Variants in CADM2 observed in about 807,000 individuals in gnomAD.
The protein encoded by CADM2 is immunoglobulin superfamily member 4D.
Under a neutral mutation model 49.8 loss-of-function variants are expected in CADM2, and 12 were observed. That is an observed-to-expected ratio of 0.24 (90% CI 0.15 to 0.39). CADM2 has a LOEUF of 0.39. Ranked by LOEUF, CADM2 falls within the 10% of genes least tolerant of loss-of-function variation. The probability of loss-of-function intolerance (pLI) is 1.00; values close to 1 mark genes in which losing one functional copy is unlikely to be tolerated. For missense variants in CADM2, 378 were observed against 492.3 expected (o/e 0.77, Z 2.20); for synonymous variants, 214 against 175.4 (o/e 1.22, Z -1.74).
chr3:85,573,618 C>A (rs1376400124), intron 1 of CADM2, among the ~76,000 whole-genome samples: 1 of 152,172 alleles, frequency 6.6e-6, no homozygotes, highest in African/African-American at 2.4e-5. Context: ...TATGATCTTG[C>A]ATGAATATGT....
intron 1 of CADM2, among the ~76,000 whole-genome samples, chr3:85,126,877 T>A (rs1014852245): frequency 6.6e-6 from 1 of 152,166 alleles, no homozygotes; most frequent in African/African-American, 2.4e-5. Context: ...ATTTCTTTTT[T>A]CTAGGATAAA....
intron 1 of CADM2, among the ~76,000 whole-genome samples, chr3:85,499,381 G>A (rs1356959275): frequency 1.3e-5 from 2 of 152,014 alleles, no homozygotes; most frequent in African/African-American, 4.8e-5. Flanking sequence ...CTGCTCTAAA[G>A]TTCCCTTGGT....
At chr3:85,796,250 G>T (rs1179914894) in intron 2 of CADM2, among the ~76,000 whole-genome samples, 1 of 152,140 alleles carries the variant, frequency 6.6e-6, no homozygotes. Flanking sequence ...CAAGAAAAGT[G>T]TTTTGAAACC....
intron 8 of CADM2, among the ~76,000 whole-genome samples, chr3:85,970,292 C>T (rs528764792): frequency 6.6e-6 from 1 of 151,414 alleles, no homozygotes; most frequent in Non-Finnish European, 1.5e-5. Flanking sequence ...ACTTTGCTAA[C>T]TGAAATTCAA....
At chr3:85,066,173 A>G (rs375952750) in intron 1 of CADM2, among the ~76,000 whole-genome samples, 12 of 152,252 alleles carry the variant, frequency 7.9e-5, no homozygotes, top group East Asian at 5.8e-4. Context: ...TGCCTTCATC[A>G]TAATTTTGAA....
rs183399401 is a variant in CADM2 at position 85,908,901 on chromosome 3, T to C, written c.530-3472T>C. The stretch of plus-strand genomic sequence containing the variant: ...CACCAGGCCCAGCTAATTTTTTGTA[T>C]TTTTAGTAGAGATGGGGTTTCAGCA... On this transcript the variant is annotated intron_variant, in intron 5 of 9. Coordinates refer to ENST00000383699, the MANE Select transcript of CADM2 (RefSeq NM_001167675.2). 2.0e-5 allele frequency among the ~76,000 whole-genome samples: 3 copies of C among 152,138 alleles called. No individual in the cohort carries two copies. The East Asian group carries it at 5.8e-4, about 29-fold the overall frequency.
intron 8 of CADM2, among the ~76,000 whole-genome samples, chr3:86,041,506 G>T (rs946513909): frequency 6.6e-6 from 1 of 152,132 alleles, no homozygotes; most frequent in East Asian, 1.9e-4. Context: ...TAATGGTAAA[G>T]GGATCAATTC....
chr3:85,039,848 A>G (rs1418765866), intron 1 of CADM2, among the ~76,000 whole-genome samples: 1 of 152,228 alleles, frequency 6.6e-6, no homozygotes, highest in Admixed American at 6.5e-5. Flanking sequence ...CTGCGTAGCA[A>G]TAACAGTGAG....
chr3:85,645,174 A>T (rs546255713), intron 1 of CADM2, among the ~76,000 whole-genome samples: 2 of 152,220 alleles, frequency 1.3e-5, no homozygotes, highest in East Asian at 3.9e-4. Flanking sequence ...ATTTTGATTT[A>T]TGAAAAATAA....
chr3:85,290,065 C>G (rs942297502), intron 1 of CADM2, among the ~76,000 whole-genome samples: 3 of 151,976 alleles, frequency 2.0e-5, no homozygotes, highest in African/African-American at 7.2e-5. Flanking sequence ...AGACAGTGGG[C>G]GCAGGTCAGT....
At chr3:85,984,522 G>T (rs1727859864) in intron 8 of CADM2, among the ~76,000 whole-genome samples, 1 of 151,582 alleles carries the variant, frequency 6.6e-6, no homozygotes, top group African/African-American at 2.4e-5. Flanking sequence ...TTTTAAATAA[G>T]AATTTATAAC....
chr3:85,877,214 T>G (rs1472394731), intron 3 of CADM2, among the ~76,000 whole-genome samples: 1 of 152,152 alleles, frequency 6.6e-6, no homozygotes, highest in Non-Finnish European at 1.5e-5. Context: ...CTCTGTGATA[T>G]GTGAATAACA....
At chr3:85,171,523 C>T (rs992126695) in intron 1 of CADM2, among the ~76,000 whole-genome samples, 10 of 152,024 alleles carry the variant, frequency 6.6e-5, no homozygotes, top group Non-Finnish European at 1.0e-4. Context: ...TATAATTTTC[C>T]ACTGAAAGAA....
chr3:85,400,828 CT>C (rs2035070375), intron 1 of CADM2, among the ~76,000 whole-genome samples: 1 of 152,288 alleles, frequency 6.6e-6, no homozygotes, highest in East Asian at 1.9e-4. Flanking sequence ...GCTGATCTCA[CT>C]TTCCAGGGCA....
At chr3:85,722,495 T>A (rs1389864458) in intron 1 of CADM2, among the ~76,000 whole-genome samples, 1 of 152,170 alleles carries the variant, frequency 6.6e-6, no homozygotes, top group African/African-American at 2.4e-5. Context: ...TTCTACATAA[T>A]CTTAAAATAC....
chr3:85,679,176 A>G (rs2065969941), intron 1 of CADM2, among the ~76,000 whole-genome samples: 1 of 152,176 alleles, frequency 6.6e-6, no homozygotes, highest in Admixed American at 6.5e-5. Context: ...AAAAAATAAA[A>G]CTGGAGGGAT....
At chr3:85,473,410 T>TA (rs2038850202) in intron 1 of CADM2, among the ~76,000 whole-genome samples, 1 of 152,096 alleles carries the variant, frequency 6.6e-6, no homozygotes, top group Non-Finnish European at 1.5e-5. Flanking sequence ...CTGTATTCTT[T>TA]ATCTTCATCA....
chr3:85,109,361 G>C (rs942579733), intron 1 of CADM2, among the ~76,000 whole-genome samples: 11 of 151,830 alleles, frequency 7.2e-5, no homozygotes, highest in African/African-American at 2.7e-4. Flanking sequence ...CATAGAGAAA[G>C]AGAGACAGTG....
intron 1 of CADM2, among the ~76,000 whole-genome samples, chr3:85,079,515 T>C (rs926798374): frequency 6.6e-6 from 1 of 151,884 alleles, no homozygotes; most frequent in East Asian, 1.9e-4. Flanking sequence ...AATATTGATG[T>C]TCACAATGAG....
Sources: gnomAD v4.1 joint callset for allele counts (sites outside exome capture counted in the v4.1 genomes callset) on GRCh38, gnomAD v4.1.1 for gene constraint, MANE v1.5 for transcripts, NCBI Gene and HGNC (gene_info 2026-07-23, HGNC 2026-07-21) for gene names.